NDP: variants seen among roughly 807,000 people sequenced by gnomAD.
NDP encodes norrin.
A neutral mutation model predicts 8.4 loss-of-function variants in NDP; 2 were observed. The ratio of observed to expected loss-of-function variants is 0.24; its 90% confidence interval spans 0.10 to 0.75. The LOEUF (loss-of-function observed/expected upper bound fraction) is 0.75, where lower values mean the gene tolerates loss of function less well. NDP is among the 30% of genes least tolerant of loss of function. The probability of loss-of-function intolerance (pLI) is 0.73; values close to 1 mark genes in which losing one functional copy is unlikely to be tolerated. For synonymous variants in NDP, 55 were observed against 45.6 expected (o/e 1.21, Z -0.83); for missense variants, 81 against 110.1 (o/e 0.74, Z 1.18).
At chrX:43,950,730 C>A (rs1219241544) in intron 2 of NDP, among the ~76,000 whole-genome samples, 1 of 111,550 alleles carries the variant, frequency 9.0e-6, no homozygotes, top group African/African-American at 3.3e-5. Context: ...AGGATGTACC[C>A]ATTCTGATAA....
At chrX:43,961,403 G>A (rs1286533102) in intron 1 of NDP, among the ~76,000 whole-genome samples, 2 of 112,445 alleles carry the variant, frequency 1.8e-5, no homozygotes, top group African/African-American at 3.2e-5. Flanking sequence ...ATAGGGGACT[G>A]GTTAATTATA....
At chrX:43,950,089 G>T in intron 2 of NDP, 63 bp from the exon 3 acceptor site, 1 of 1,013,435 alleles carries the variant, frequency 9.9e-7, no homozygotes, top group Non-Finnish European at 1.4e-6. Flanking sequence ...AGGTAAAACA[G>T]CATCTTTTGA....
chrX:43,971,787 C>T (rs2035892449), intron 1 of NDP, among the ~76,000 whole-genome samples: 1 of 111,503 alleles, frequency 9.0e-6, no homozygotes, highest in Non-Finnish European at 1.9e-5. Flanking sequence ...GTAAATTAAC[C>T]TATTCAAATA....
chrX:43,970,697 G>T (rs1336077163), intron 1 of NDP, among the ~76,000 whole-genome samples: 1 of 111,042 alleles, frequency 9.0e-6, no homozygotes, highest in African/African-American at 3.3e-5. Context: ...ACTGGGGGTG[G>T]GACAAGTAAG....
intron 2 of NDP, among the ~76,000 whole-genome samples, chrX:43,955,952 T>C (rs2035790600): frequency 8.9e-6 from 1 of 112,363 alleles, no homozygotes; most frequent in African/African-American, 3.2e-5. Context: ...CCTGAACTTC[T>C]ATGTGATGGC....
At chrX:43,954,001 T>G (rs1435082644) in intron 2 of NDP, among the ~76,000 whole-genome samples, 1 of 112,648 alleles carries the variant, frequency 8.9e-6, no homozygotes, top group East Asian at 2.8e-4. Context: ...ACTGACCAGA[T>G]GTCACCATTA....
intron 2 of NDP, among the ~76,000 whole-genome samples, chrX:43,955,573 C>G (rs967569421): frequency 1.8e-5 from 2 of 112,640 alleles, no homozygotes; most frequent in African/African-American, 3.2e-5. Context: ...TGCTCTACAG[C>G]CTTTACTCCA....
chrX:43,954,961 C>G (rs980202132), intron 2 of NDP, among the ~76,000 whole-genome samples: 1 of 111,081 alleles, frequency 9.0e-6, no homozygotes, highest in African/African-American at 3.3e-5. Context: ...TTCCTGAAAT[C>G]CCCTCCCTGG....
At chrX:43,960,719 G>C (rs1467779549) in intron 1 of NDP, 1 of 112,226 alleles carries the variant, frequency 8.9e-6, no homozygotes, top group African/African-American at 3.2e-5. Context: ...GTGGTTATCT[G>C]TCTCTTTGAA....
chrX:43,965,557 C>T (rs913005790), intron 1 of NDP, among the ~76,000 whole-genome samples: 11 of 111,701 alleles, frequency 9.8e-5, no homozygotes, highest in African/African-American at 2.9e-4. Context: ...AAAGCATAAA[C>T]GGGGAGAGAA....
chrX:43,949,738 C>T lies in NDP; in HGVS notation c.*61G>A. On this transcript the variant is annotated 3_prime_UTR_variant, in exon 3 of 3. Transcript: ENST00000642620. ...TTAACTCTTTTCTTGCCAGTCTTTC[C>T]CTGGCTGGTCGAACTGCCTCTACAG... 1 of 1,070,413 alleles carries T rather than the reference C, an allele frequency of 9.3e-7. No individual in the cohort carries two copies. Among genetic ancestry groups the T allele is most frequent in the East Asian group, 3.3e-5 (1 of 30,332 alleles). 88.2% of individuals were successfully genotyped at this position (1,070,413 alleles called of 1,213,427 possible).
intron 1 of NDP, among the ~76,000 whole-genome samples, chrX:43,964,634 T>A (rs950798664): frequency 9.0e-6 from 1 of 111,581 alleles, no homozygotes; most frequent in African/African-American, 3.3e-5. Context: ...TTGTTAGTGT[T>A]CCGTGTCCCT....
At chrX:43,969,441 C>T (rs1302610676) in intron 1 of NDP, 1 of 112,228 alleles carries the variant, frequency 8.9e-6, no homozygotes, top group African/African-American at 3.2e-5. Flanking sequence ...AGAGAATAAC[C>T]ACATTTCTCT....
At chrX:43,954,100 C>T (rs1020695822) in intron 2 of NDP, among the ~76,000 whole-genome samples, 6 of 112,209 alleles carry the variant, frequency 5.3e-5, no homozygotes, top group South Asian at 3.7e-4. Flanking sequence ...TTGCCTTTTT[C>T]GCAGCAGTGA....
intron 1 of NDP, among the ~76,000 whole-genome samples, chrX:43,961,147 A>G (rs1340737907): frequency 8.9e-6 from 1 of 112,877 alleles, no homozygotes; most frequent in African/African-American, 3.2e-5. Flanking sequence ...TCAGATTTAC[A>G]AAGATTCCGA....
At chrX:43,952,939 G>A (rs2035771111) in intron 2 of NDP, among the ~76,000 whole-genome samples, 1 of 111,023 alleles carries the variant, frequency 9.0e-6, no homozygotes, top group Non-Finnish European at 1.9e-5. Context: ...TAACTACTTA[G>A]GAGTCCAAGA....
intron 1 of NDP, among the ~76,000 whole-genome samples, chrX:43,960,350 C>G (rs1427495311): frequency 9.0e-6 from 1 of 111,666 alleles, no homozygotes; most frequent in African/African-American, 3.3e-5. Flanking sequence ...CCTTTGTGTT[C>G]TAAAATGCCA....
intron 1 of NDP, chrX:43,969,600 G>A (rs1045697402): frequency 1.8e-5 from 2 of 112,640 alleles, no homozygotes; most frequent in East Asian, 2.8e-4. Context: ...GGGCAGCTAA[G>A]CCATGTGGCT....
At chrX:43,964,278 A>G (rs1469223069) in intron 1 of NDP, among the ~76,000 whole-genome samples, 1 of 111,682 alleles carries the variant, frequency 9.0e-6, no homozygotes, top group Non-Finnish European at 1.9e-5. Context: ...GGGAGAAACA[A>G]AAAGGATGGA....
Sources: gnomAD v4.1 joint callset for allele counts (sites outside exome capture counted in the v4.1 genomes callset) on GRCh38, gnomAD v4.1.1 for gene constraint, MANE v1.5 for transcripts, NCBI Gene and HGNC (gene_info 2026-07-23, HGNC 2026-07-21) for gene names.